The following ACER2 variants were observed in gnomAD, a reference collection of about 807,000 sequenced individuals.
ACER2 encodes the protein alkCDase 2.
ACER2 carries 26 observed loss-of-function variants against 34.7 expected under a neutral mutation model. The observed-to-expected ratio is 0.75, with a 90% CI of 0.55 to 1.04. The LOEUF is 1.04. Ranked by LOEUF, ACER2 falls within the 50% of genes least tolerant of loss-of-function variation. The pLI, the probability that ACER2 is intolerant of heterozygous loss-of-function variation, is 0.00. For synonymous variants in ACER2, 138 were observed against 132.1 expected, an observed-to-expected ratio of 1.04 and a Z score of -0.31; for missense variants, 352 against 340.8, an observed-to-expected ratio of 1.03 and a Z score of -0.26.
At chr9:19,438,043 A>G (rs907560511) in intron 4 of ACER2, among the ~76,000 whole-genome samples, 4 of 152,232 alleles carry the variant, frequency 2.6e-5, no homozygotes, top group African/African-American at 9.6e-5. Flanking sequence ...TGGGCAAGAT[A>G]CAGAGTTATG....
intron 1 of ACER2, among the ~76,000 whole-genome samples, chr9:19,419,546 A>G (rs1189852930): frequency 6.6e-6 from 1 of 152,162 alleles, no homozygotes; most frequent in East Asian, 1.9e-4. Flanking sequence ...CAGGCGGATC[A>G]CTTGAGGTCA....
In ACER2 at chr9:19,435,089, G is replaced by T; in HGVS notation, c.503+5G>T. The T allele has an allele frequency of 6.2e-7, 1 of 1,613,992 alleles. No individual in the cohort carries two copies. The highest frequency in any genetic ancestry group is 8.5e-7 in the Non-Finnish European group (1 of 1,179,954). On this transcript the variant is annotated splice_donor_5th_base_variant and intron_variant, in intron 4 of 5. Transcript: ENST00000340967. ...GCTCATCGCAGAGCTAAAGAGGTAGGTGCCATCATTCCTGCCTACCCTTAG... is the reference window on the plus strand; with the variant it reads ...GCTCATCGCAGAGCTAAAGAGGTAGTTGCCATCATTCCTGCCTACCCTTAG...
rs908647096 is a variant in ACER2 at position 19,451,969 on chromosome 9, C to G, written c.*1333C>G. On this transcript the variant is annotated 3_prime_UTR_variant, in exon 6 of 6. Coordinates refer to ENST00000340967, the MANE Select transcript of ACER2 (RefSeq NM_001010887.3). ...CACCTTTCTCAAGTGCTGGCAGTAG[C>G]TATGCACTCACGGGCTGGTTTGGGT... 9.8e-5 allele frequency: 15 copies of G among 152,536 alleles called. No individual in the cohort carries two copies. Among genetic ancestry groups the G allele is most frequent in the African/African-American group, 3.6e-4 (15 of 41,418 alleles). 9.4% of individuals were successfully genotyped at this position (152,536 alleles called of 1,614,324 possible).
At chr9:19,413,673 G>A (rs547381421) in intron 1 of ACER2, among the ~76,000 whole-genome samples, 3 of 152,034 alleles carry the variant, frequency 2.0e-5, no homozygotes, top group East Asian at 1.9e-4. Flanking sequence ...AGAAAAGCCG[G>A]GTCTGCCTTT....
At chr9:19,431,399 C>G (rs1272097512) in intron 3 of ACER2, among the ~76,000 whole-genome samples, 1 of 152,216 alleles carries the variant, frequency 6.6e-6, no homozygotes, top group East Asian at 1.9e-4. Context: ...GTTACCCTCT[C>G]TGACCTGTGC....
intron 1 of ACER2, among the ~76,000 whole-genome samples, chr9:19,417,981 A>G (rs1208165030): frequency 2.0e-5 from 3 of 152,116 alleles, no homozygotes; most frequent in Non-Finnish European, 4.4e-5. Context: ...CTAAATCTAC[A>G]AGGAACTTAA....
chr9:19,415,985 C>T (rs557492692), intron 1 of ACER2, among the ~76,000 whole-genome samples: 1 of 151,472 alleles, frequency 6.6e-6, no homozygotes, highest in East Asian at 1.9e-4. Context: ...CATATACGTA[C>T]CTATTCATGT....
At chr9:19,429,075 A>T (rs1830671136) in intron 3 of ACER2, among the ~76,000 whole-genome samples, 1 of 152,046 alleles carries the variant, frequency 6.6e-6, no homozygotes, top group Non-Finnish European at 1.5e-5. Context: ...GGCATGAGCC[A>T]CTGTGCCTGG....
chr9:19,426,354 C>CTCTT (rs1472800587), intron 3 of ACER2, among the ~76,000 whole-genome samples: 2 of 129,062 alleles, frequency 1.5e-5, no homozygotes, highest in South Asian at 5.3e-4. Flanking sequence ...CTTTCTCCCT[C>CTCTT]TCTTTCTCTC....
At chr9:19,414,927 C>A (rs936187335) in intron 1 of ACER2, among the ~76,000 whole-genome samples, 1 of 151,128 alleles carries the variant, frequency 6.6e-6, no homozygotes, top group African/African-American at 2.4e-5. Flanking sequence ...GGATACATCT[C>A]AGTAGAGATG....
At chr9:19,441,528 C>G (rs1831158231) in intron 4 of ACER2, among the ~76,000 whole-genome samples, 1 of 152,182 alleles carries the variant, frequency 6.6e-6, no homozygotes, top group Non-Finnish European at 1.5e-5. Flanking sequence ...AGCCCCAGCC[C>G]CTTCCTTATT....
chr9:19,433,471 G>T (rs931680939), intron 3 of ACER2, among the ~76,000 whole-genome samples: 20 of 151,636 alleles, frequency 1.3e-4, no homozygotes, highest in African/African-American at 4.6e-4. Context: ...AGGGTTGGGG[G>T]TAAGGTCACA....
chr9:19,411,744 A>G (rs1206739688), intron 1 of ACER2, among the ~76,000 whole-genome samples: 1 of 152,180 alleles, frequency 6.6e-6, no homozygotes, highest in African/African-American at 2.4e-5. Context: ...AAGTTGGAGG[A>G]ATTGACAATG....
intron 3 of ACER2, among the ~76,000 whole-genome samples, chr9:19,427,327 T>C (rs1449155083): frequency 1.3e-5 from 2 of 152,188 alleles, no homozygotes; most frequent in Non-Finnish European, 2.9e-5. Context: ...TTGACAATTT[T>C]AATGAGCAAA....
chr9:19,414,925 C>T lies in ACER2; in HGVS notation c.108+5733C>T, dbSNP rs75108781. ...ACCAATACAATTTTGAGGGATACAT[C>T]TCAGTAGAGATGGATCCATGAGTCC... On this transcript the variant is annotated intron_variant, in intron 1 of 5. Coordinates refer to ENST00000340967, the MANE Select transcript of ACER2 (RefSeq NM_001010887.3). 3.8e-4 allele frequency among the ~76,000 whole-genome samples: 57 copies of T among 151,048 alleles called. 1 individual carries two copies. The highest frequency in any genetic ancestry group is 4.7e-4 in the Non-Finnish European group (32 of 67,880).
chr9:19,432,330 G>C (rs1380900040), intron 3 of ACER2, among the ~76,000 whole-genome samples: 1 of 152,120 alleles, frequency 6.6e-6, no homozygotes, highest in East Asian at 1.9e-4. Flanking sequence ...TTTAAACTAG[G>C]TTGCTTTATG....
chr9:19,438,269 T>A (rs931792511), intron 4 of ACER2, among the ~76,000 whole-genome samples: 19 of 152,238 alleles, frequency 1.2e-4, no homozygotes, highest in African/African-American at 4.6e-4. Context: ...CTAGTATCTG[T>A]CACATGGTAG....
Position 19,424,740 on chromosome 9 carries a change from G to A in ACER2, c.264G>A (p.Leu88=). 1 of 1,613,994 alleles carries A rather than the reference G, an allele frequency of 6.2e-7. No homozygotes were observed. The highest frequency in any genetic ancestry group is 8.5e-7 in the Non-Finnish European group (1 of 1,180,014). ...SVYFHATLSF[L]GQMLDELAVL... ...ACTTCCATGCAACCCTTAGTTTCTT[G>A]GGTCAGATGCTTGATGAACTTGCAG... The change falls in exon 3 of 6, where the codon TTG becomes TTA. Residue 88 remains leucine, a synonymous_variant. Transcript: ENST00000340967.
At chr9:19,442,625 A>G (rs1292708478) in intron 4 of ACER2, among the ~76,000 whole-genome samples, 2 of 152,222 alleles carry the variant, frequency 1.3e-5, no homozygotes, top group Non-Finnish European at 1.5e-5. Flanking sequence ...TCTCCAACAC[A>G]TTGCTCTCCG....
Sources: gnomAD v4.1 joint callset for allele counts (sites outside exome capture counted in the v4.1 genomes callset) on GRCh38, gnomAD v4.1.1 for gene constraint, MANE v1.5 for transcripts, NCBI Gene and HGNC (gene_info 2026-07-23, HGNC 2026-07-21) for gene names.